MCEE: variants seen among roughly 807,000 people sequenced by gnomAD.
MCEE encodes methylmalonyl-CoA epimerase, also known as methylmalonyl-CoA epimerase, mitochondrial.
Under a neutral mutation model 12.9 loss-of-function variants are expected in MCEE, and 6 were observed. The observed-to-expected ratio is 0.47, with a 90% confidence interval of 0.26 to 0.92. MCEE has a LOEUF of 0.92. Among genes scored for constraint, MCEE ranks in the 40% least tolerant of loss-of-function variants. The pLI, the probability that MCEE is intolerant of heterozygous loss-of-function variation, is 0.16. For missense variants in MCEE, 214 were observed against 212.1 expected (o/e 1.01, Z -0.05); for synonymous variants, 78 against 77.9 (o/e 1.00, Z -0.01).
In MCEE at chr2:71,124,253, A is replaced by AACCTG; in HGVS notation, c.326_330dup (p.Phe111GlnfsTer26). Reference sequence around the variant, plus strand: ...CCTCCAGCCTTGTTTTTCTGCAGAAAACCTGCAATTGGACTGTCACGTCCC... The same window carrying AACCTG: ...CCTCCAGCCTTGTTTTTCTGCAGAAAACCTGACCTGCAATTGGACTGTCACGTCCC... On this transcript the variant is annotated frameshift_variant, in exon 2 of 3. Transcript: ENST00000244217. LOFTEE classifies it high-confidence loss of function. 1 of 1,614,152 alleles carries AACCTG rather than the reference A, an allele frequency of 6.2e-7. No individual in the cohort carries two copies. Among genetic ancestry groups the AACCTG allele is most frequent in the South Asian group, 1.1e-5 (1 of 91,082 alleles).
intron 1 of MCEE, among the ~76,000 whole-genome samples, chr2:71,125,663 T>A (rs911698184): frequency 6.6e-6 from 1 of 152,164 alleles, no homozygotes; most frequent in Non-Finnish European, 1.5e-5. Context: ...TTTTTAAAAT[T>A]CACTGTCGCT....
chr2:71,125,080 G>A (rs1268568657), intron 1 of MCEE, among the ~76,000 whole-genome samples: 1 of 149,792 alleles, frequency 6.7e-6, no homozygotes. Flanking sequence ...TCTGCCTCCT[G>A]GGTTCAAGTG....
intron 1 of MCEE, 83 bp from the exon 2 acceptor site, chr2:71,124,626 T>C: frequency 9.7e-7 from 1 of 1,028,274 alleles, no homozygotes; most frequent in South Asian, 1.3e-5. Context: ...AAACAAATAA[T>C]GCATGCAAAA....
In MCEE at chr2:71,110,133, G is replaced by A. The variant is rs1415171221; in HGVS notation, c.379-11C>T. 6.2e-7 allele frequency: 1 copy of A among 1,609,482 alleles called. No individual in the cohort carries two copies. Among genetic ancestry groups the A allele is most frequent in the Non-Finnish European group, 8.5e-7 (1 of 1,176,736 alleles). On this transcript the variant is annotated splice_polypyrimidine_tract_variant and intron_variant, in intron 2 of 2. Coordinates refer to ENST00000244217, the MANE Select transcript of MCEE (RefSeq NM_032601.4). ...ATTAATATTATCCACCTTAAGAAAG[G>A]GAAATAAATTGAACACATTTGAGAT...
rs1296343980 is a variant in MCEE at position 71,125,295 on chromosome 2, G to A, written c.41-752C>T. Reference sequence around the variant, plus strand: ...GCGATCTGGGCTCACTGCAACCTCCGCCCCCCAGGTTCAAGCGATTCTCCT... The same window carrying A: ...GCGATCTGGGCTCACTGCAACCTCCACCCCCCAGGTTCAAGCGATTCTCCT... On this transcript the variant is annotated intron_variant, in intron 1 of 2. Coordinates refer to ENST00000244217, the MANE Select transcript of MCEE (RefSeq NM_032601.4). Among the ~76,000 whole-genome samples the A allele has an allele frequency of 2.1e-5, 3 of 142,736 alleles. No homozygotes were observed. The Admixed American group carries it at 2.2e-4, about 11-fold the overall frequency. 93.6% of individuals were successfully genotyped at this position (142,736 alleles called of 152,430 possible).
At chr2:71,125,211 A>ATATATATATATATATATATT in intron 1 of MCEE, among the ~76,000 whole-genome samples, 1 of 48,608 alleles carries the variant, frequency 2.1e-5, no homozygotes, top group South Asian at 8.9e-4. Flanking sequence ...ATATATATAT[A>ATATATATATATATATATATT]TTTTTTTTTT....
At chr2:71,117,293 T>C (rs1322984071) in intron 2 of MCEE, among the ~76,000 whole-genome samples, 1 of 150,622 alleles carries the variant, frequency 6.6e-6, no homozygotes, top group Non-Finnish European at 1.5e-5. Context: ...GAAGAGCACA[T>C]GTTACCTAAG....
chr2:71,124,403 C>G lies in MCEE; in HGVS notation c.181G>C (p.Ala61Pro). The change falls in exon 2 of 3, where the codon GCT becomes CCT. Residue 61 changes from alanine to proline, a missense_variant. Physicochemically the swap from Ala to Pro is conservative, Grantham distance 27. Coordinates refer to ENST00000244217, the MANE Select transcript of MCEE (RefSeq NM_032601.4). ...AGAATATTCTTATAAAATGCTGCAG[C>G]CTTTTCCAAATCTGGCACTGCTATG... ...VAIAVPDLEK[A>P]AAFYKNILGA... The G allele has an allele frequency of 1.2e-6, 2 of 1,614,130 alleles. No individual in the cohort carries two copies. The highest frequency in any genetic ancestry group is 1.7e-6 in the Non-Finnish European group (2 of 1,180,032).
chr2:71,123,994 C>CA (rs959107536), intron 2 of MCEE, among the ~76,000 whole-genome samples: 6 of 151,864 alleles, frequency 4.0e-5, no homozygotes, highest in African/African-American at 1.4e-4. Flanking sequence ...ATCCAGACTT[C>CA]AAAAAAATAC....
intron 2 of MCEE, among the ~76,000 whole-genome samples, chr2:71,117,262 A>T (rs6748891): frequency 0.86 from 129,625 of 150,258 alleles, 56,916 homozygotes; most frequent in East Asian, 1. Context: ...AGATGGTTCC[A>T]GTCTTCTTGG....
chr2:71,121,122 C>A (rs569316523), intron 2 of MCEE, among the ~76,000 whole-genome samples: 8 of 152,286 alleles, frequency 5.3e-5, no homozygotes, highest in African/African-American at 1.9e-4. Flanking sequence ...ATTACAGCAA[C>A]CCCCAAGCTT....
Position 71,124,315 on chromosome 2 carries a change from T to G in MCEE, c.269A>C (p.Asn90Thr). Residue 90 changes from asparagine to threonine, a missense_variant, in exon 2 of 3, where the codon AAC becomes ACC. Transcript: ENST00000244217. ...CAGTTCCATCTTGGTATTTCCCAGG[T>G]TGACAAAAACAACAGATACTCCATG... Reference protein sequence around the residue: ...PEHGVSVVFVNLGNTKMELLH... With the variant: ...PEHGVSVVFVTLGNTKMELLH... 6.2e-7 allele frequency: 1 copy of G among 1,614,184 alleles called. No individual in the cohort carries two copies. Among genetic ancestry groups the G allele is most frequent in the Non-Finnish European group, 8.5e-7 (1 of 1,180,008 alleles).
intron 2 of MCEE, chr2:71,117,600 T>C (rs1297711751): frequency 6.7e-6 from 1 of 150,336 alleles, no homozygotes; most frequent in Non-Finnish European, 1.5e-5. Context: ...GCAAAACATA[T>C]AAAAGCACAA....
rs1243506608 is a variant in MCEE at position 71,125,211 on chromosome 2, A to ATTT, written c.41-671_41-669dup. ...TAAATATATATATATATATATATAT[A>ATTT]TTTTTTTTTTTTTTTGAGACGGAGT... is the stretch of plus-strand genomic sequence containing the variant. On this transcript the variant is annotated intron_variant, in intron 1 of 2. Coordinates refer to ENST00000244217, the MANE Select transcript of MCEE (RefSeq NM_032601.4). Among the ~76,000 whole-genome samples, 208 of 48,586 alleles carry ATTT rather than the reference A, an allele frequency of 4.3e-3. 8 individuals are homozygous for ATTT. The highest frequency in any genetic ancestry group is 0.011 in the African/African-American group (179 of 16,596). The allele number at this position is 48,586 out of a possible 152,430, so 31.9% of individuals were successfully genotyped here.
At chr2:71,126,568 C>A (rs1168959569) in intron 1 of MCEE, among the ~76,000 whole-genome samples, 65 of 72,158 alleles carry the variant, frequency 9.0e-4, no homozygotes, top group East Asian at 2.5e-3. Context: ...TACATTTTAC[C>A]AAAAAAAAAA....
chr2:71,120,469 G>A (rs1673077975), intron 2 of MCEE, among the ~76,000 whole-genome samples: 1 of 150,418 alleles, frequency 6.6e-6, no homozygotes, highest in Admixed American at 6.6e-5. Context: ...CCTCTAGTGA[G>A]AGGCAAAGAC....
intron 1 of MCEE, among the ~76,000 whole-genome samples, chr2:71,126,568 C>CAAAAAAAAAAAAAAAA (rs70959207): frequency 1.4e-5 from 1 of 72,154 alleles, no homozygotes; most frequent in Non-Finnish European, 2.5e-5. Context: ...TACATTTTAC[C>CAAAAAAAAAAAAAAAA]AAAAAAAAAA....
At chr2:71,129,110 GTC>G (rs1673307137) in intron 1 of MCEE, among the ~76,000 whole-genome samples, 1 of 151,984 alleles carries the variant, frequency 6.6e-6, no homozygotes, top group Admixed American at 6.6e-5. Flanking sequence ...GGAATACACT[GTC>G]TTCATTTTTC....
At position 71,124,415 on chromosome 2, in the gene MCEE, C is replaced by T. The variant is rs940060022; in HGVS notation, c.169G>A (p.Asp57Asn). ...TAAAATGCTGCAGCCTTTTCCAAAT[C>T]TGGCACTGCTATGGCTACATGGTTG... ...RLNHVAIAVP[D>N]LEKAAAFYKN... The change falls in exon 2 of 3, where the codon GAT becomes AAT. Residue 57 changes from aspartate (D) to asparagine (N), a missense_variant. By Grantham distance (23) the Asp-to-Asn change is conservative. Coordinates refer to ENST00000244217, the MANE Select transcript of MCEE (RefSeq NM_032601.4). 1 of 1,614,068 alleles carries T rather than the reference C, an allele frequency of 6.2e-7. No individual in the cohort carries two copies. The highest frequency in any genetic ancestry group is 1.3e-5 in the African/African-American group (1 of 74,930).
Sources: gnomAD v4.1 joint callset for allele counts (sites outside exome capture counted in the v4.1 genomes callset) on GRCh38, gnomAD v4.1.1 for gene constraint, MANE v1.5 for transcripts, NCBI Gene and HGNC (gene_info 2026-07-23, HGNC 2026-07-21) for gene names.